C1S: variants seen among roughly 807,000 people sequenced by gnomAD.
The protein encoded by C1S is complement C1s subcomponent.
In C1S, 31 loss-of-function variants were observed where a neutral mutation model predicts 54.0. The ratio of observed to expected loss-of-function variants is 0.57; its 90% CI spans 0.43 to 0.78. The LOEUF (loss-of-function observed/expected upper bound fraction) is 0.78. Among genes scored for constraint, C1S ranks in the 30% least tolerant of loss-of-function variants. C1S has a pLI of 0.00. For missense variants in C1S, 727 were observed against 851.8 expected (o/e 0.85, Z 1.82); for synonymous variants, 292 against 303.6 (o/e 0.96, Z 0.40).
chr12:7,067,761 T>C lies in C1S; in HGVS notation c.1185T>C (p.Asn395=), dbSNP rs1937712355. 6.2e-7 allele frequency: 1 copy of C among 1,613,772 alleles called. No individual in the cohort carries two copies. Among genetic ancestry groups the C allele is most frequent in the Admixed American group, 1.7e-5 (1 of 59,990 alleles). The part of the protein sequence containing the change: ...TCEEPYYYME[N]GGGGEYHCAG... ...AGGAGCCATATTACTACATGGAAAA[T>C]GGAGGAGGTGGTAGGTTTCTTCTAC... The change falls in exon 10 of 12, where the codon AAT becomes AAC. Residue 395 remains asparagine, a synonymous_variant. Coordinates refer to ENST00000360817, the MANE Select transcript of C1S (RefSeq NM_001734.5).
At chr12:7,063,469 G>A (rs976199351) in intron 4 of C1S, 13 of 424,786 alleles carry the variant, frequency 3.1e-5, no homozygotes, top group Non-Finnish European at 6.3e-5. Context: ...GGAATGTGTA[G>A]TATTTAAACC....
At position 7,070,430 on chromosome 12, in the gene C1S, A is replaced by T. The variant is rs1555163077; in HGVS notation, c.1846A>T (p.Met616Leu). Residue 616 changes from methionine to leucine, a missense_variant, in exon 12 of 12, where the codon ATG becomes TTG. Met to Leu is a conservative substitution (Grantham distance 15, BLOSUM62 2). Transcript: ENST00000360817. The surrounding 1 kb of genome is among the most constrained non-coding windows in gnomAD (Gnocchi z 4.9). ...DAEAYVFTPN[M>L]ICAGGEKGMD... ...AGAGGCCTATGTTTTCACTCCTAAC[A>T]TGATCTGTGCTGGAGGAGAGAAGGG... 53 of 1,614,200 alleles carry T rather than the reference A, an allele frequency of 3.3e-5. No individual in the cohort carries two copies. Among genetic ancestry groups the T allele is most frequent in the Non-Finnish European group, 4.5e-5 (53 of 1,180,024 alleles).
In C1S at chr12:7,060,798, T is replaced by G. The variant is rs986730916; in HGVS notation, c.-154T>G. On this transcript the variant is annotated 5_prime_UTR_variant, in exon 1 of 12. Coordinates refer to ENST00000360817, the MANE Select transcript of C1S (RefSeq NM_001734.5). The stretch of plus-strand genomic sequence containing the variant: ...CGTCAAGGCCCTGTGCTGCTGTCCC[T>G]GGGGGCCAGAGGGGTTGCCCAGCAT... 2 of 152,386 alleles carry G rather than the reference T, an allele frequency of 1.3e-5. No individual in the cohort carries two copies. The highest frequency in any genetic ancestry group is 4.8e-5 in the African/African-American group (2 of 41,436). 9.4% of individuals were successfully genotyped at this position (152,386 alleles called of 1,614,324 possible). A position where few individuals can be genotyped will look rare whatever the true frequency, so the allele number is the denominator to read the frequency against.
At chr12:7,068,889 A>C in intron 11 of C1S, 1 of 285,946 alleles carries the variant, frequency 3.5e-6, no homozygotes, top group Non-Finnish European at 6.8e-6. Context: ...TATTATATTA[A>C]AAGTTTATAG....
rs781794210 is a variant in C1S, at chr12:7,070,607, A to G, written c.2023A>G (p.Ile675Val). The change falls in exon 12 of 12, where the codon ATA (isoleucine) becomes GTA (valine). Residue 675 changes from isoleucine (I) to valine (V), a missense_variant. Coordinates refer to ENST00000360817, the MANE Select transcript of C1S (RefSeq NM_001734.5). This position sits in a 1 kb window ranked among gnomAD's most constrained non-coding sequence, Gnocchi z 4.9. Reference protein sequence around the residue: ...YTRVKNYVDWIMKTMQENSTP... With the variant: ...YTRVKNYVDWVMKTMQENSTP... ...ACGGGTAAAGAACTATGTTGACTGG[A>G]TAATGAAGACTATGCAGGAAAATAG... The G allele has an allele frequency of 6.2e-7, 1 of 1,614,196 alleles. No individual in the cohort carries two copies. Among genetic ancestry groups the G allele is most frequent in the Non-Finnish European group, 8.5e-7 (1 of 1,180,034 alleles).
chr12:7,067,305 C>G, intron 9 of C1S, 188 bp downstream of exon 9: 1 of 651,892 alleles, frequency 1.5e-6, no homozygotes, highest in East Asian at 2.7e-5. Flanking sequence ...CCAACTAGAT[C>G]GGCATGTTTC....
chr12:7,064,958 C>T, intron 5 of C1S, 142 bp from the exon 6 acceptor site: 3 of 705,460 alleles, frequency 4.3e-6, no homozygotes, highest in Non-Finnish European at 7.5e-6. Flanking sequence ...TGTAATTGCT[C>T]TATCCCTCCA....
intron 11 of C1S, among the ~76,000 whole-genome samples, chr12:7,069,026 G>T (rs1937758084): frequency 6.6e-6 from 1 of 152,186 alleles, no homozygotes; most frequent in African/African-American, 2.4e-5. Flanking sequence ...GAGCTGATTT[G>T]TTGCATTTAT....
At position 7,062,058 on chromosome 12, in the gene C1S, C is replaced by T. The variant is rs12311345; in HGVS notation, c.5+141C>T. 56,451 of 835,256 alleles carry T rather than the reference C, an allele frequency of 0.068. 4,612 individuals carry two copies. The highest frequency in any genetic ancestry group is 0.33 in the African/African-American group (19,625 of 58,738). The allele number at this position is 835,256 out of a possible 1,614,324, so 51.7% of individuals were successfully genotyped here. On this transcript the variant is annotated intron_variant, in intron 2 of 11. Transcript: ENST00000360817. Reference sequence around the variant, plus strand: ...GCTGAGGCGGGAGGATTGCTTGAGCCCAGGACTTTGAGACCAGCCTGGGCA... The same window carrying T: ...GCTGAGGCGGGAGGATTGCTTGAGCTCAGGACTTTGAGACCAGCCTGGGCA...
intron 8 of C1S, 65 bp from the exon 9 acceptor site, chr12:7,066,974 C>A: frequency 8.6e-7 from 1 of 1,163,350 alleles, no homozygotes. Flanking sequence ...AGATCAATTC[C>A]AGTTTTGATT....
At chr12:7,067,422 A>G in intron 9 of C1S, 2 of 697,294 alleles carry the variant, frequency 2.9e-6, no homozygotes, top group South Asian at 1.6e-5. Context: ...GCTCTTCACT[A>G]CGGCTTTCAT....
At position 7,067,098 on chromosome 12, in the gene C1S, T is replaced by C; in HGVS notation, c.1047T>C (p.Asn349=). The C allele has an allele frequency of 6.2e-7, 1 of 1,607,392 alleles. No homozygotes were observed. The highest frequency in any genetic ancestry group is 8.5e-7 in the Non-Finnish European group (1 of 1,173,856). ...GTCAAAGCAATGGAAAGTGGAGTAA[T>C]TCCAAACTGAAATGTCAACGTATGT... The part of the protein sequence containing the change: ...STCQSNGKWS[N]SKLKCQPVDC... Residue 349 remains asparagine (N), a synonymous_variant, in exon 9 of 12, where the codon AAT becomes AAC. Transcript: ENST00000360817.
rs782003983 is a variant in C1S at position 7,065,890 on chromosome 12, A to G, written c.791A>G (p.Lys264Arg). Residue 264 changes from lysine (K) to arginine (R), a missense_variant, in exon 7 of 12, where the codon AAG (lysine) becomes AGG (arginine). Physicochemically the swap from Lys to Arg is conservative, Grantham distance 26. Coordinates refer to ENST00000360817, the MANE Select transcript of C1S (RefSeq NM_001734.5). ...GFPGPLNIET[K>R]SNALDIIFQT... ...CCTGGGCCTCTAAATATTGAAACCA[A>G]GAGTAATGCTCTTGATATCATCTTC... 3.7e-6 allele frequency: 6 copies of G among 1,613,154 alleles called. No homozygotes were observed. Among genetic ancestry groups the G allele is most frequent in the Non-Finnish European group, 5.1e-6 (6 of 1,179,484 alleles).
chr12:7,064,551 T>C lies in C1S; in HGVS notation c.517+159T>C, dbSNP rs181443695. ...TTATTTATTTATGTATTATTTTTAA[T>C]AATTTCAATAGTTTTGGGGGTACTG... On this transcript the variant is annotated intron_variant, in intron 5 of 11. Transcript: ENST00000360817. Among the ~76,000 whole-genome samples the C allele has an allele frequency of 4.8e-3, 730 of 152,286 alleles. 7 individuals are homozygous for C. The highest frequency in any genetic ancestry group is 0.017 in the African/African-American group (693 of 41,554).
rs112796495 is a variant in C1S, at chr12:7,065,361, C to CAAAG, written c.717+65_717+66insGAAA. 0.13 allele frequency: 169,615 copies of CAAAG among 1,337,830 alleles called. 11,746 individuals are homozygous for CAAAG. Among genetic ancestry groups the CAAAG allele is most frequent in the African/African-American group, 0.14 (9,410 of 69,572 alleles). 82.9% of individuals were successfully genotyped at this position (1,337,830 alleles called of 1,614,324 possible). On this transcript the variant is annotated intron_variant, in intron 6 of 11. Coordinates refer to ENST00000360817, the MANE Select transcript of C1S (RefSeq NM_001734.5). ...ACACAGAGAGATCTCTCCCTGAAGA[C>CAAAG]AAATTTTTTTTTCATACAGCATCTT...
intron 1 of C1S, chr12:7,061,387 C>T (rs1166187411): frequency 9.6e-6 from 2 of 208,676 alleles, no homozygotes; most frequent in Admixed American, 5.2e-5. Flanking sequence ...AAACAGCAGA[C>T]AGGGCTGCTT....
At chr12:7,061,715 T>A in intron 1 of C1S, 124 bp from the exon 2 acceptor site, 1 of 687,050 alleles carries the variant, frequency 1.5e-6, no homozygotes, top group Non-Finnish European at 2.7e-6. Context: ...CATGTGGGGA[T>A]GTTGGTGATA....
At chr12:7,063,260 C>T (rs1947123936) in intron 4 of C1S, 193 bp downstream of exon 4, 1 of 609,536 alleles carries the variant, frequency 1.6e-6, no homozygotes, top group Non-Finnish European at 2.9e-6. Context: ...TGATGATGAT[C>T]ATGGTAATAA....
chr12:7,070,584 G>C lies in C1S; in HGVS notation c.2000G>C (p.Arg667Pro). The change falls in exon 12 of 12, where the codon CGG becomes CCG. Residue 667 changes from arginine to proline, a missense_variant. Transcript: ENST00000360817. This position sits in a 1 kb window ranked among gnomAD's most constrained non-coding sequence, Gnocchi z 4.9. ...PQCGTYGLYTRVKNYVDWIMK... is the reference protein window; with the variant it reads ...PQCGTYGLYTPVKNYVDWIMK... Reference sequence around the variant, plus strand: ...TGTGGGACCTATGGGCTCTACACACGGGTAAAGAACTATGTTGACTGGATA... The same window carrying C: ...TGTGGGACCTATGGGCTCTACACACCGGTAAAGAACTATGTTGACTGGATA... 1 of 1,614,110 alleles carries C rather than the reference G, an allele frequency of 6.2e-7. No individual in the cohort carries two copies.
Sources: gnomAD v4.1 joint callset for allele counts (sites outside exome capture counted in the v4.1 genomes callset) on GRCh38, gnomAD v4.1.1 for gene constraint, Gnocchi (gnomAD v3.1) non-coding constraint, MANE v1.5 for transcripts, NCBI Gene and HGNC (gene_info 2026-07-23, HGNC 2026-07-21) for gene names.